Variants in LRRFIP1 observed in about 807,000 individuals in gnomAD.
LRRFIP1 encodes LRR binding FLII interacting protein 1.
LRRFIP1 carries 62 observed loss-of-function variants against 104.4 expected under a neutral mutation model. The ratio of observed to expected loss-of-function variants is 0.59; its 90% CI spans 0.48 to 0.73. The LOEUF (loss-of-function observed/expected upper bound fraction) is 0.73, where lower values mean the gene tolerates loss of function less well. Among genes scored for constraint, LRRFIP1 ranks in the 30% least tolerant of loss-of-function variants. LRRFIP1 has a pLI of 0.00. For synonymous variants in LRRFIP1, 300 were observed against 299.0 expected, an observed-to-expected ratio of 1.00 and a Z score of -0.03; for missense variants, 796 against 824.5, an observed-to-expected ratio of 0.97 and a Z score of 0.42.
rs566068988 is a variant in LRRFIP1, at chr2:237,764,027, G to A, written c.1459+3822G>A. 1.9e-6 allele frequency: 3 copies of A among 1,614,206 alleles called. No individual in the cohort carries two copies. Among genetic ancestry groups the A allele is most frequent in the Non-Finnish European group, 2.5e-6 (3 of 1,180,026 alleles). ...TTTAGACAGCAATAGCCTAGAGAAC[G>A]ATGACTTGTCGGCACCAGGAAGAGA... On this transcript the variant is annotated intron_variant, in intron 19 of 23. Transcript: ENST00000308482.
rs955562627 is a variant in LRRFIP1, at chr2:237,739,412, G to T, written c.633+103G>T. ...TCCAAATTTAGAATATTACTCTGCGGTGATATTATTAGGATTACATTGCTC... is the reference window on the plus strand; with the variant it reads ...TCCAAATTTAGAATATTACTCTGCGTTGATATTATTAGGATTACATTGCTC... On this transcript the variant is annotated intron_variant, in intron 11 of 23. Coordinates refer to ENST00000308482, the MANE Select transcript of LRRFIP1 (RefSeq NM_001137550.2). 17 of 1,012,762 alleles carry T rather than the reference G, an allele frequency of 1.7e-5. No individual in the cohort carries two copies. In the African/African-American group the frequency reaches 2.3e-4, roughly 13 times the overall value. 62.7% of individuals were successfully genotyped at this position (1,012,762 alleles called of 1,614,324 possible). A position where few individuals can be genotyped will look rare whatever the true frequency, so the allele number is the denominator to read the frequency against.
chr2:237,675,246 T>C (rs375662390), intron 1 of LRRFIP1, among the ~76,000 whole-genome samples: 6 of 152,216 alleles, frequency 3.9e-5, no homozygotes, highest in South Asian at 2.1e-4. Context: ...GAGGCCTCCT[T>C]TGCTTTTTCG....
At chr2:237,774,994 TG>T (rs1023957356) in intron 23 of LRRFIP1, among the ~76,000 whole-genome samples, 1 of 152,260 alleles carries the variant, frequency 6.6e-6, no homozygotes, top group African/African-American at 2.4e-5. Context: ...TGAAGACACT[TG>T]GCAAAGTTGT....
At chr2:237,777,970 A>T (rs2061233479) in intron 23 of LRRFIP1, among the ~76,000 whole-genome samples, 1 of 151,926 alleles carries the variant, frequency 6.6e-6, no homozygotes, top group Admixed American at 6.6e-5. Context: ...TTCATTGTTG[A>T]TAGTTTCTTG....
At position 237,642,059 on chromosome 2, in the gene LRRFIP1, G is replaced by A. The variant is rs1472928645; in HGVS notation, c.96+14319G>A. On this transcript the variant is annotated intron_variant, in intron 1 of 23. Coordinates refer to ENST00000308482, the MANE Select transcript of LRRFIP1 (RefSeq NM_001137550.2). ...GTGGTGTAGAGGGTCAGCATTGGGT[G>A]CTGCGGCCAGGCGACCTCCTCAGAC... 2.0e-5 allele frequency among the ~76,000 whole-genome samples: 3 copies of A among 152,170 alleles called. No individual in the cohort carries two copies. In the East Asian group the frequency reaches 5.8e-4, roughly 29 times the overall value.
intron 1 of LRRFIP1, among the ~76,000 whole-genome samples, chr2:237,675,619 C>A (rs2091040814): frequency 6.6e-6 from 1 of 152,104 alleles, no homozygotes; most frequent in South Asian, 2.1e-4. Context: ...TCCTCCCTTT[C>A]TTTTCGAATG....
At chr2:237,672,397 C>CT (rs2090491878) in intron 1 of LRRFIP1, among the ~76,000 whole-genome samples, 1 of 152,064 alleles carries the variant, frequency 6.6e-6, no homozygotes, top group Non-Finnish European at 1.5e-5. Context: ...TTCTTAGTGG[C>CT]TTTTTAAAAA....
intron 20 of LRRFIP1, 35 bp downstream of exon 20, chr2:237,770,027 A>AC: frequency 1.3e-6 from 2 of 1,557,708 alleles, no homozygotes; most frequent in Non-Finnish European, 1.8e-6. Context: ...CGGTTCATGA[A>AC]CAGGGCACCT....
At position 237,720,807 on chromosome 2, in the gene LRRFIP1, T is replaced by C; in HGVS notation, c.330T>C (p.Ser110=). Residue 110 remains serine, a synonymous_variant, in exon 6 of 24, where the codon AGT becomes AGC. Transcript: ENST00000308482. ...AAGACGAGCGCATGTCAGTGGGTAG[T>C]CGTGGAAGCCTGAGGGTCAGTAACC... ...SDEDERMSVG[S]RGSLRSQPDL... The C allele has an allele frequency of 6.2e-7, 1 of 1,614,138 alleles. No individual in the cohort carries two copies. The highest frequency in any genetic ancestry group is 1.1e-5 in the South Asian group (1 of 91,082).
At chr2:237,745,698 G>A (rs946975801) in intron 11 of LRRFIP1, among the ~76,000 whole-genome samples, 17 of 152,038 alleles carry the variant, frequency 1.1e-4, no homozygotes, top group Non-Finnish European at 1.9e-4. Flanking sequence ...CTTCTTTTAC[G>A]GTCTCAGATA....
At chr2:237,762,801 C>T (rs1477894270) in intron 19 of LRRFIP1, 1 of 1,614,210 alleles carries the variant, frequency 6.2e-7, no homozygotes, top group East Asian at 2.2e-5. Flanking sequence ...GGAACCTTAG[C>T]AGGTGCTACC....
At chr2:237,770,984 C>A (rs76608274) in intron 20 of LRRFIP1, among the ~76,000 whole-genome samples, 1 of 152,250 alleles carries the variant, frequency 6.6e-6, no homozygotes, top group East Asian at 1.9e-4. Context: ...TAGGAAGATT[C>A]TCTTGAAGTT....
intron 15 of LRRFIP1, among the ~76,000 whole-genome samples, chr2:237,755,351 T>C (rs532434581): frequency 6.6e-6 from 1 of 152,188 alleles, no homozygotes; most frequent in African/African-American, 2.4e-5. Context: ...TCATGAGAGA[T>C]GCTTTAGTAG....
Position 237,749,451 on chromosome 2 carries a change from C to T in LRRFIP1, c.795+127C>T, listed in dbSNP as rs2058304390. Reference sequence around the variant, plus strand: ...CTTCTTGGTCCTCTCTCCCTCACCTCCCCTAAAATACGGTGTTCTCCTAAC... The same window carrying T: ...CTTCTTGGTCCTCTCTCCCTCACCTTCCCTAAAATACGGTGTTCTCCTAAC... On this transcript the variant is annotated intron_variant, in intron 13 of 23. Transcript: ENST00000308482. 9.9e-6 allele frequency: 11 copies of T among 1,113,220 alleles called. No homozygotes were observed. In the South Asian group the frequency reaches 1.5e-4, roughly 16 times the overall value. The allele number at this position is 1,113,220 out of a possible 1,614,324, so 69.0% of individuals were successfully genotyped here. A position where few individuals can be genotyped will look rare whatever the true frequency, so the allele number is the denominator to read the frequency against.
chr2:237,631,527 G>A lies in LRRFIP1; in HGVS notation c.96+3787G>A, dbSNP rs187743580. Reference sequence around the variant, plus strand: ...TGTTGCAGTGGAATTCAGGCGGGATGTTATCAGGAGAAAGGTTTAGTACGC... The same window carrying A: ...TGTTGCAGTGGAATTCAGGCGGGATATTATCAGGAGAAAGGTTTAGTACGC... On this transcript the variant is annotated intron_variant, in intron 1 of 23. Coordinates refer to ENST00000308482, the MANE Select transcript of LRRFIP1 (RefSeq NM_001137550.2). Among the ~76,000 whole-genome samples the A allele has an allele frequency of 7.5e-4, 114 of 152,366 alleles. 1 individual carries two copies. The Middle Eastern group carries it at 0.02, about 27-fold the overall frequency.
chr2:237,688,916 T>A (rs2092584430), intron 1 of LRRFIP1, among the ~76,000 whole-genome samples: 1 of 152,000 alleles, frequency 6.6e-6, no homozygotes, highest in Non-Finnish European at 1.5e-5. Flanking sequence ...ATTTTGTGTA[T>A]CTCCATGTTT....
At chr2:237,690,000 C>T (rs1023182190) in intron 1 of LRRFIP1, among the ~76,000 whole-genome samples, 2 of 152,208 alleles carry the variant, frequency 1.3e-5, no homozygotes, top group African/African-American at 4.8e-5. Context: ...CTCAATATCC[C>T]TTAGTGAGTG....
intron 1 of LRRFIP1, chr2:237,692,320 A>C: frequency 8.2e-7 from 1 of 1,223,932 alleles, no homozygotes; most frequent in East Asian, 3.4e-5. Context: ...TGGCCCCGGA[A>C]GCGCGAGCGT....
In LRRFIP1 at chr2:237,702,732, C is replaced by T. The variant is rs546757569; in HGVS notation, c.97-5812C>T. On this transcript the variant is annotated intron_variant, in intron 1 of 23. Transcript: ENST00000308482. The stretch of plus-strand genomic sequence containing the variant: ...ACCGAGCTATGCATGTCCTGCTGCA[C>T]GGCAGGGGCCCTTATCTTGAACGAC... Among the ~76,000 whole-genome samples, 11 of 152,248 alleles carry T rather than the reference C, an allele frequency of 7.2e-5. No individual in the cohort carries two copies. In the South Asian group the frequency reaches 1.0e-3, roughly 14 times the overall value.
Sources: gnomAD v4.1 joint callset for allele counts (sites outside exome capture counted in the v4.1 genomes callset) on GRCh38, gnomAD v4.1.1 for gene constraint, MANE v1.5 for transcripts, NCBI Gene and HGNC (gene_info 2026-07-23, HGNC 2026-07-21) for gene names.